Variants in PARG observed in about 807,000 individuals in gnomAD.
The protein encoded by PARG is poly(ADP-ribose) glycohydrolase.
PARG carries 35 observed loss-of-function variants against 113.0 expected under a neutral mutation model. The observed-to-expected ratio is 0.31, with a 90% CI of 0.24 to 0.41. PARG has a LOEUF of 0.41. Ranked by LOEUF, PARG falls within the 10% of genes least tolerant of loss-of-function variation. The probability of loss-of-function intolerance (pLI) is 1.00; values close to 1 mark genes in which losing one functional copy is unlikely to be tolerated. For missense variants in PARG, 797 were observed against 1,169.4 expected (o/e 0.68, Z 4.64); for synonymous variants, 330 against 409.9 (o/e 0.81, Z 2.36).
chr10:49,874,583 G>A (rs1293999273), intron 9 of PARG, among the ~76,000 whole-genome samples: 5 of 151,396 alleles, frequency 3.3e-5, no homozygotes, highest in Non-Finnish European at 7.4e-5. Flanking sequence ...GGCCGGGTGC[G>A]GTGGCTGATG....
chr10:49,882,829 T>C (rs1435304787), intron 8 of PARG, among the ~76,000 whole-genome samples: 2 of 141,310 alleles, frequency 1.4e-5, no homozygotes, highest in East Asian at 2.0e-4. Context: ...AGATATATAA[T>C]GACAAGAATT....
intron 15 of PARG, among the ~76,000 whole-genome samples, chr10:49,836,983 T>C (rs1272322478): frequency 2.6e-5 from 4 of 152,166 alleles, no homozygotes; most frequent in Non-Finnish European, 5.9e-5. Context: ...GCAGTGCTAT[T>C]TGCCACTTTT....
chr10:49,916,752 A>G (rs1366722070), intron 6 of PARG, among the ~76,000 whole-genome samples: 1 of 152,162 alleles, frequency 6.6e-6, no homozygotes, highest in Non-Finnish European at 1.5e-5. Context: ...CATCCTTTTA[A>G]ATATCTACTT....
intron 7 of PARG, among the ~76,000 whole-genome samples, chr10:49,906,144 C>CTTTTTTTTTT (rs71471360): frequency 9.0e-6 from 1 of 111,062 alleles, no homozygotes; most frequent in Admixed American, 8.7e-5. Context: ...GATGCTGCCG[C>CTTTTTTTTTT]TTTTTTTTTT....
intron 7 of PARG, among the ~76,000 whole-genome samples, chr10:49,906,316 G>A (rs1302353468): frequency 6.6e-6 from 1 of 151,848 alleles, no homozygotes; most frequent in Non-Finnish European, 1.5e-5. Flanking sequence ...CTAAGGCTAT[G>A]GGCCATTAAG....
At chr10:49,935,036 G>C (rs1838681399) in intron 2 of PARG, 40 bp downstream of exon 2, 21 of 694,704 alleles carry the variant, frequency 3.0e-5, no homozygotes. Context: ...AAACATCCAT[G>C]TATTATTATT....
In PARG at chr10:49,859,790, T is replaced by A. The variant is rs537648306; in HGVS notation, c.2205+1798A>T. 2.6e-5 allele frequency among the ~76,000 whole-genome samples: 4 copies of A among 152,362 alleles called. No homozygotes were observed. In the South Asian group the frequency reaches 8.3e-4, roughly 32 times the overall value. On this transcript the variant is annotated intron_variant, in intron 12 of 17. Coordinates refer to ENST00000616448, the MANE Select transcript of PARG (RefSeq NM_003631.5). ...AGAAATAAAGACACTAAACTCAGTA[T>A]GCCTCTAAATGCCAAAGTCTTTTAG...
Position 49,828,092 on chromosome 10 carries a change from C to CAAAAAAAAAAAAAAA in PARG, c.2647+4696_2647+4710dup, listed in dbSNP as rs71026274. Among the ~76,000 whole-genome samples the CAAAAAAAAAAAAAAA allele has an allele frequency of 2.2e-4, 11 of 50,410 alleles. 3 individuals carry two copies. Among genetic ancestry groups the CAAAAAAAAAAAAAAA allele is most frequent in the African/African-American group, 4.8e-4 (6 of 12,584 alleles). 33.1% of individuals were successfully genotyped at this position (50,410 alleles called of 152,430 possible). ...TGAGACGAGATGTAGAAAGCTTAAA[C>CAAAAAAAAAAAAAAA]AAAAAAAAAAAAAAAAAAAAAAAAA... On this transcript the variant is annotated intron_variant, in intron 16 of 17. Coordinates refer to ENST00000616448, the MANE Select transcript of PARG (RefSeq NM_003631.5).
chr10:49,941,962 G>A lies in PARG; in HGVS notation c.-237C>T, dbSNP rs1839117043. ...GCCTCAATGCGCCGCTTTGATTCGG[G>A]ATTCGTTCACTTTCCCACCACCGGA... is the stretch of plus-strand genomic sequence containing the variant. On this transcript the variant is annotated 5_prime_UTR_variant, in exon 1 of 18. Transcript: ENST00000616448. The A allele has an allele frequency of 6.5e-6, 6 of 928,462 alleles. No homozygotes were observed. In the African/African-American group the frequency reaches 6.5e-5, roughly 10 times the overall value. 57.5% of individuals were successfully genotyped at this position (928,462 alleles called of 1,614,324 possible).
Position 49,819,211 on chromosome 10 carries a change from C to T in PARG, c.*129G>A, listed in dbSNP as rs1271239410. On this transcript the variant is annotated 3_prime_UTR_variant, in exon 18 of 18. Transcript: ENST00000616448. Reference sequence around the variant, plus strand: ...AACTGCACATGTGTGGAAGAGATTGCGTCCTTGACTACAAATGTGGATTAT... The same window carrying T: ...AACTGCACATGTGTGGAAGAGATTGTGTCCTTGACTACAAATGTGGATTAT... 1.3e-5 allele frequency: 9 copies of T among 714,328 alleles called. No individual in the cohort carries two copies. The highest frequency in any genetic ancestry group is 1.1e-4 in the South Asian group (5 of 47,312). 44.2% of individuals were successfully genotyped at this position (714,328 alleles called of 1,614,324 possible).
intron 7 of PARG, among the ~76,000 whole-genome samples, chr10:49,905,351 A>G (rs1231927805): frequency 6.6e-6 from 1 of 152,242 alleles, no homozygotes; most frequent in East Asian, 1.9e-4. Context: ...TTAAGATTGA[A>G]TAACATGAAC....
Position 49,819,422 on chromosome 10 carries a change from A to C in PARG, c.2849T>G (p.Ile950Ser). Residue 950 changes from isoleucine to serine, a missense_variant, in exon 18 of 18, where the codon ATC (isoleucine) becomes AGC (serine). Around this residue, in one of 5 missense-constraint regions of PARG, gnomAD observed 194 missense variants for 247.1 expected, o/e 0.79. Coordinates refer to ENST00000616448, the MANE Select transcript of PARG (RefSeq NM_003631.5). ...ATGGTATATGAATGGATAAAGCTTG[A>C]TGTCTGGTCCAGGGGTGGAACAGTT... ...CRNCSTPGPD[I>S]KLYPFIYHAV... 2 of 1,551,126 alleles carry C rather than the reference A, an allele frequency of 1.3e-6. No individual in the cohort carries two copies. Among genetic ancestry groups the C allele is most frequent in the Non-Finnish European group, 1.7e-6 (2 of 1,146,460 alleles).
chr10:49,821,703 T>A (rs78636938), intron 16 of PARG, among the ~76,000 whole-genome samples: 2 of 152,182 alleles, frequency 1.3e-5, no homozygotes, highest in Non-Finnish European at 2.9e-5. Context: ...TTTTACAGTT[T>A]TGATTTTTGA....
Position 49,941,509 on chromosome 10 carries a change from C to G in PARG, c.217G>C (p.Val73Leu), listed in dbSNP as rs1839068058. 8.4e-6 allele frequency: 13 copies of G among 1,548,294 alleles called. No individual in the cohort carries two copies. Among genetic ancestry groups the G allele is most frequent in the South Asian group, 1.2e-5 (1 of 84,018 alleles). Reference sequence around the variant, plus strand: ...CAAAGATTTTTATTTTCCCACGTACCAAGCGAGGTGGCGCTGCCTCTGTGC... The same window carrying G: ...CAAAGATTTTTATTTTCCCACGTACGAAGCGAGGTGGCGCTGCCTCTGTGC... ...GQHRGSATSL[V>L]FKQKTITSWM... Residue 73 changes from valine (V) to leucine (L), a missense_variant and splice_region_variant, in exon 1 of 18, where the codon GTT becomes CTT. Around this residue, in one of 5 missense-constraint regions of PARG, gnomAD observed 284 missense variants for 306.1 expected, o/e 0.93. Transcript: ENST00000616448.
chr10:49,890,087 G>A (rs1847693916), intron 7 of PARG, among the ~76,000 whole-genome samples: 1 of 152,102 alleles, frequency 6.6e-6, no homozygotes, highest in African/African-American at 2.4e-5. Context: ...AACAATTAAA[G>A]AAAAATAAAC....
rs1206171926 is a variant in PARG at position 49,930,212 on chromosome 10, A to C, written c.1455+1888T>G. ...TTGATTGTGCAGTTCTTTTTTAACA[A>C]GTTTTTCACTGTTAAAAATATAATT... On this transcript the variant is annotated intron_variant, in intron 4 of 17. Transcript: ENST00000616448. Among the ~76,000 whole-genome samples the C allele has an allele frequency of 8.2e-4, 124 of 151,550 alleles. 1 individual carries two copies. The highest frequency in any genetic ancestry group is 2.8e-3 in the African/African-American group (116 of 41,344).
At chr10:49,886,230 A>G (rs1181493533) in intron 7 of PARG, among the ~76,000 whole-genome samples, 5 of 152,232 alleles carry the variant, frequency 3.3e-5, no homozygotes, top group African/African-American at 1.2e-4. Flanking sequence ...TCTATGCCAC[A>G]GCTCTTCCTA....
intron 4 of PARG, among the ~76,000 whole-genome samples, chr10:49,928,024 C>T (rs1436321301): frequency 6.6e-6 from 1 of 151,134 alleles, no homozygotes; most frequent in Non-Finnish European, 1.5e-5. Flanking sequence ...GTAATCCCAG[C>T]ACATTGGGGG....
chr10:49,821,889 A>G (rs544607784), intron 16 of PARG, among the ~76,000 whole-genome samples: 1 of 152,344 alleles, frequency 6.6e-6, no homozygotes, highest in South Asian at 2.1e-4. Context: ...AAAGAACCCA[A>G]GTAACTTACA....
Sources: allele counts gnomAD v4.1 joint callset (sites outside exome capture counted in the v4.1 genomes callset), GRCh38; gene constraint gnomAD v4.1.1; regional missense constraint gnomAD v4.1.1; transcripts MANE v1.5; gene names NCBI Gene and HGNC (gene_info 2026-07-23, HGNC 2026-07-21).